PA2G4: variants seen among roughly 807,000 people sequenced by gnomAD.
The protein encoded by PA2G4 is proliferation-associated 2G4, also known as proliferation-associated protein 2G4.
A neutral mutation model predicts 53.3 loss-of-function variants in PA2G4; 8 were observed. That is an observed-to-expected ratio of 0.15 (90% CI 0.09 to 0.27). The LOEUF (loss-of-function observed/expected upper bound fraction) is 0.27. Among genes scored for constraint, PA2G4 ranks in the 10% least tolerant of loss-of-function variants. PA2G4 has a pLI of 1.00. For synonymous variants in PA2G4, 143 were observed against 169.8 expected, an observed-to-expected ratio of 0.84 and a Z score of 1.23; for missense variants, 208 against 486.8, an observed-to-expected ratio of 0.43 and a Z score of 5.39.
chr12:56,109,039 T>C (rs1869359547), intron 5 of PA2G4, among the ~76,000 whole-genome samples, 191 bp from the exon 6 acceptor site: 1 of 147,626 alleles, frequency 6.8e-6, no homozygotes, highest in Non-Finnish European at 1.5e-5. Context: ...GGCAGGAGAA[T>C]AGCTTGAACC....
chr12:56,105,330 T>C (rs558856361), intron 1 of PA2G4, among the ~76,000 whole-genome samples: 4 of 152,192 alleles, frequency 2.6e-5, no homozygotes, highest in African/African-American at 9.6e-5. Flanking sequence ...GACACCAGCT[T>C]CCCCACCACC....
chr12:56,107,664 GGC>G (rs1869329688), intron 5 of PA2G4, 51 bp downstream of exon 5: 1 of 1,227,936 alleles, frequency 8.1e-7, no homozygotes, highest in Non-Finnish European at 1.2e-6. Context: ...AGATGCATTA[GGC>G]ACCTATAGCT....
intron 5 of PA2G4, 148 bp from the exon 6 acceptor site, chr12:56,109,082 C>T (rs1224767458): frequency 4.5e-5 from 21 of 462,466 alleles, no homozygotes; most frequent in Non-Finnish European, 7.9e-5. Flanking sequence ...GCCAAGATCA[C>T]GCCACTGCAC....
intron 5 of PA2G4, among the ~76,000 whole-genome samples, chr12:56,108,311 C>T (rs959456421): frequency 6.6e-6 from 1 of 152,200 alleles, no homozygotes; most frequent in African/African-American, 2.4e-5. Flanking sequence ...AATCATTTAA[C>T]CTGAGACTCA....
In PA2G4 at chr12:56,107,796, A is replaced by G. The variant is rs145320721; in HGVS notation, c.486+183A>G. Among the ~76,000 whole-genome samples, 201 of 152,312 alleles carry G rather than the reference A, an allele frequency of 1.3e-3. 1 individual carries two copies. The highest frequency in any genetic ancestry group is 4.6e-3 in the African/African-American group (190 of 41,568). On this transcript the variant is annotated intron_variant, in intron 5 of 12. Coordinates refer to ENST00000303305, the MANE Select transcript of PA2G4 (RefSeq NM_006191.3). ...GTAATCCCATCACTTTGGGGGGCCA[A>G]GGTAGGAGGATAGCTTGAGGCTGGG...
chr12:56,111,966 T>G (rs969721414), intron 12 of PA2G4, among the ~76,000 whole-genome samples: 5 of 151,828 alleles, frequency 3.3e-5, no homozygotes, highest in African/African-American at 1.2e-4. Context: ...AATACAAAAT[T>G]AGCTGGGTGT....
At chr12:56,106,820 G>A in intron 2 of PA2G4, 104 bp downstream of exon 2, 1 of 1,450,376 alleles carries the variant, frequency 6.9e-7, no homozygotes, top group African/African-American at 1.4e-5. Flanking sequence ...CCCAGCTCTG[G>A]CTGAGGTATT....
intron 1 of PA2G4, 82 bp downstream of exon 1, chr12:56,104,907 G>C (rs1010681717): frequency 1.8e-5 from 23 of 1,265,336 alleles, no homozygotes; most frequent in Non-Finnish European, 2.4e-5. Context: ...GGAGCGGAGG[G>C]GTCATGCGGA....
rs1869480706 is a variant in PA2G4 at position 56,113,710 on chromosome 12, AGACT to A, written c.*829_*832del. ...AAGAAAAACCAAGAACCAGAGGCGT[AGACT>A]GACTGAAGACACAACTCCTGGCTTT... On this transcript the variant is annotated 3_prime_UTR_variant, in exon 13 of 13. Transcript: ENST00000303305. 6.3e-6 allele frequency: 4 copies of A among 638,194 alleles called. No individual in the cohort carries two copies. Among genetic ancestry groups the A allele is most frequent in the South Asian group, 3.6e-5 (2 of 55,462 alleles). The allele number at this position is 638,194 out of a possible 1,614,324, so 39.5% of individuals were successfully genotyped here. A position where few individuals can be genotyped will look rare whatever the true frequency, so the allele number is the denominator to read the frequency against.
intron 4 of PA2G4, 23 bp downstream of exon 4, chr12:56,107,279 C>G (rs1165065181): frequency 6.3e-7 from 1 of 1,584,606 alleles, no homozygotes; most frequent in Admixed American, 1.7e-5. Flanking sequence ...CTTTTGATCT[C>G]TGTTTAGCCT....
chr12:56,109,268 C>G lies in PA2G4; in HGVS notation c.525C>G (p.His175Gln). 1 of 1,611,782 alleles carries G rather than the reference C, an allele frequency of 6.2e-7. No homozygotes were observed. The highest frequency in any genetic ancestry group is 8.5e-7 in the Non-Finnish European group (1 of 1,179,040). Reference sequence around the variant, plus strand: ...CAGAAGCCTGGAACAAAGTTGCCCACTCATTTAACTGCACGCCAATAGAAG... The same window carrying G: ...CAGAAGCCTGGAACAAAGTTGCCCAGTCATTTAACTGCACGCCAATAGAAG... ...QVTEAWNKVA[H>Q]SFNCTPIEGM... is the part of the protein sequence containing the mutation. Residue 175 changes from histidine (H) to glutamine (Q), a missense_variant, in exon 6 of 13, where the codon CAC becomes CAG. Transcript: ENST00000303305.
At chr12:56,112,753 C>A in intron 12 of PA2G4, 70 bp from the exon 13 acceptor site, 1 of 1,063,166 alleles carries the variant, frequency 9.4e-7, no homozygotes, top group Non-Finnish European at 1.4e-6. Flanking sequence ...ATACTTTTAT[C>A]TCTGGTCCCA....
rs900080134 is a variant in PA2G4 at position 56,109,304 on chromosome 12, A to C, written c.550+11A>C. 3.7e-6 allele frequency: 6 copies of C among 1,602,630 alleles called. No individual in the cohort carries two copies. The African/African-American group carries it at 8.0e-5, about 21-fold the overall frequency. On this transcript the variant is annotated intron_variant, in intron 6 of 12. Transcript: ENST00000303305. The stretch of plus-strand genomic sequence containing the variant: ...GCACGCCAATAGAAGGTGAGAACAG[A>C]TAACAGGGTTGAGGGTCTAAGAATG...
At position 56,112,874 on chromosome 12, in the gene PA2G4, G is replaced by A; in HGVS notation, c.1171G>A (p.Glu391Lys). The change falls in exon 13 of 13, where the codon GAA becomes AAA. Residue 391 changes from glutamate (E) to lysine (K), a missense_variant. Glu to Lys is a moderately conservative substitution (Grantham distance 56). Around this residue, in one of 3 missense-constraint regions of PA2G4, gnomAD observed 50 missense variants for 82.3 expected, o/e 0.61. Coordinates refer to ENST00000303305, the MANE Select transcript of PA2G4 (RefSeq NM_006191.3). ...ATSGETLEENEAGD is the reference protein window; with the variant it reads ...ATSGETLEENKAGD ...CAGTGGGGAAACATTAGAAGAAAAT[G>A]AAGCTGGGGACTGAGGTGGGTCCCA... The A allele has an allele frequency of 6.4e-7, 1 of 1,574,056 alleles. No homozygotes were observed. Among genetic ancestry groups the A allele is most frequent in the Non-Finnish European group, 8.6e-7 (1 of 1,165,798 alleles).
Position 56,105,486 on chromosome 12 carries a change from A to G in PA2G4, c.88+661A>G, listed in dbSNP as rs770509226. 3.9e-5 allele frequency among the ~76,000 whole-genome samples: 6 copies of G among 152,150 alleles called. No individual in the cohort carries two copies. The East Asian group carries it at 5.8e-4, about 15-fold the overall frequency. On this transcript the variant is annotated intron_variant, in intron 1 of 12. Coordinates refer to ENST00000303305, the MANE Select transcript of PA2G4 (RefSeq NM_006191.3). ...TCTAATGCAAGTCTTGGAGATATATATGGCTTTTCTTGAAGTTACTCATTA... is the reference window on the plus strand; with the variant it reads ...TCTAATGCAAGTCTTGGAGATATATGTGGCTTTTCTTGAAGTTACTCATTA...
In PA2G4 at chr12:56,110,253, G is replaced by C. The variant is rs1477224831; in HGVS notation, c.630-146G>C. The C allele has an allele frequency of 1.9e-5, 12 of 625,160 alleles. No homozygotes were observed. In the African/African-American group the frequency reaches 2.0e-4, roughly 11 times the overall value. 38.7% of individuals were successfully genotyped at this position (625,160 alleles called of 1,614,324 possible). ...TTTGTGCCTATAGTCCCAGCTACTT[G>C]GGAGGCTGAGGCAGGAGAGTTGCTT... On this transcript the variant is annotated intron_variant, in intron 7 of 12. Transcript: ENST00000303305.
chr12:56,105,574 A>G (rs117687010), intron 1 of PA2G4, among the ~76,000 whole-genome samples: 1 of 152,326 alleles, frequency 6.6e-6, no homozygotes, highest in Non-Finnish European at 1.5e-5. Context: ...GTTCTCAGTG[A>G]CTTGACAACT....
intron 12 of PA2G4, 53 bp from the exon 13 acceptor site, chr12:56,112,770 C>A: frequency 8.2e-7 from 1 of 1,222,436 alleles, no homozygotes; most frequent in Non-Finnish European, 1.2e-6. Flanking sequence ...CCCAGACATC[C>A]CCAAGTAGTT....
Position 56,104,920 on chromosome 12 carries a change from G to A in PA2G4, c.88+95G>A, listed in dbSNP as rs542009090. ...CTGGAGCGGAGGGGTCATGCGGACT[G>A]AGCTACTGAGGGGCCCGCACCGGTC... On this transcript the variant is annotated intron_variant, in intron 1 of 12. Coordinates refer to ENST00000303305, the MANE Select transcript of PA2G4 (RefSeq NM_006191.3). 1.5e-4 allele frequency: 171 copies of A among 1,120,888 alleles called. No individual in the cohort carries two copies. In the African/African-American group the frequency reaches 2.3e-3, roughly 15 times the overall value. 69.4% of individuals were successfully genotyped at this position (1,120,888 alleles called of 1,614,324 possible). A position where few individuals can be genotyped will look rare whatever the true frequency, so the allele number is the denominator to read the frequency against.
Sources: allele counts gnomAD v4.1 joint callset (sites outside exome capture counted in the v4.1 genomes callset), GRCh38; gene constraint gnomAD v4.1.1; regional missense constraint gnomAD v4.1.1; transcripts MANE v1.5; gene names NCBI Gene and HGNC (gene_info 2026-07-23, HGNC 2026-07-21).